Variants in PCLO observed in about 807,000 individuals in gnomAD.
PCLO encodes protein piccolo.
A neutral mutation model predicts 427.5 loss-of-function variants in PCLO; 82 were observed. That is an observed-to-expected ratio of 0.19 (90% CI 0.16 to 0.23). The LOEUF is 0.23. Among genes scored for constraint, PCLO ranks in the 10% least tolerant of loss-of-function variants. The probability of loss-of-function intolerance (pLI) is 1.00; values close to 1 mark genes in which losing one functional copy is unlikely to be tolerated. For synonymous variants in PCLO, 2,357 were observed against 2,155.4 expected, an observed-to-expected ratio of 1.09 and a Z score of -2.59; for missense variants, 6,239 against 6,115.9, an observed-to-expected ratio of 1.02 and a Z score of -0.67.
chr7:82,918,516 G>T (rs913978800), intron 6 of PCLO, among the ~76,000 whole-genome samples: 1 of 151,844 alleles, frequency 6.6e-6, no homozygotes, highest in African/African-American at 2.4e-5. Flanking sequence ...TTAAATGGTA[G>T]TAAAATAAAA....
At position 82,915,048 on chromosome 7, in the gene PCLO, G is replaced by C. The variant is rs755214512; in HGVS notation, c.12938C>G (p.Ser4313Cys). ...LSIKRDSSSS[S>C]LRLKAQEAEA... is the part of the protein sequence containing the mutation. ...AGCCTCTTGAGCTTTCAGTCTTAGGGAAGAGCTAGAAGAATCCCTTTTAAT... is the reference window on the plus strand; with the variant it reads ...AGCCTCTTGAGCTTTCAGTCTTAGGCAAGAGCTAGAAGAATCCCTTTTAAT... Residue 4313 changes from serine (S) to cysteine (C), a missense_variant, in exon 7 of 25, where the codon TCC becomes TGC. Physicochemically the swap from Ser to Cys is moderately radical, Grantham distance 112. Coordinates refer to ENST00000333891, the MANE Select transcript of PCLO (RefSeq NM_033026.6). 6.2e-7 allele frequency: 1 copy of C among 1,613,016 alleles called. No homozygotes were observed. Among genetic ancestry groups the C allele is most frequent in the Admixed American group, 1.7e-5 (1 of 59,850 alleles).
chr7:82,902,634 T>C lies in PCLO; in HGVS notation c.13528+17A>G, dbSNP rs1255110197. On this transcript the variant is annotated intron_variant, in intron 9 of 24. Coordinates refer to ENST00000333891, the MANE Select transcript of PCLO (RefSeq NM_033026.6). ...CAAAAAAACAAAAAAAATATTAGAT[T>C]ATATGATTTGCTTTACCTGAAACTG... The C allele has an allele frequency of 7.1e-7, 1 of 1,406,750 alleles. No homozygotes were observed. The highest frequency in any genetic ancestry group is 1.4e-5 in the African/African-American group (1 of 69,830). The allele number at this position is 1,406,750 out of a possible 1,614,324, so 87.1% of individuals were successfully genotyped here. A position where few individuals can be genotyped will look rare whatever the true frequency, so the allele number is the denominator to read the frequency against.
intron 3 of PCLO, among the ~76,000 whole-genome samples, chr7:83,040,372 C>T (rs1167513009): frequency 6.6e-6 from 1 of 152,088 alleles, no homozygotes; most frequent in Non-Finnish European, 1.5e-5. Flanking sequence ...TGGGCAGGCT[C>T]TCTTTGACTT....
At chr7:83,146,566 T>G (rs191321793) in intron 2 of PCLO, among the ~76,000 whole-genome samples, 1 of 152,042 alleles carries the variant, frequency 6.6e-6, no homozygotes, top group East Asian at 1.9e-4. Context: ...GTTAACCCTT[T>G]ACTATATTCA....
At chr7:82,839,683 C>T (rs778405750) in intron 14 of PCLO, among the ~76,000 whole-genome samples, 14 of 152,004 alleles carry the variant, frequency 9.2e-5, no homozygotes, top group Non-Finnish European at 1.8e-4. Context: ...GCACCCAAAC[C>T]GTTTCTTATT....
intron 3 of PCLO, among the ~76,000 whole-genome samples, chr7:83,083,772 C>T (rs1249962248): frequency 6.6e-6 from 1 of 152,024 alleles, no homozygotes; most frequent in East Asian, 1.9e-4. Context: ...CTAGTGATGA[C>T]CCTGCCCACT....
chr7:83,034,540 T>C (rs1461288394), intron 3 of PCLO, among the ~76,000 whole-genome samples: 1 of 152,184 alleles, frequency 6.6e-6, no homozygotes, highest in Non-Finnish European at 1.5e-5. Context: ...CAAATGTAAC[T>C]TTCCAATAAT....
At chr7:82,885,970 A>T (rs1793618612) in intron 9 of PCLO, among the ~76,000 whole-genome samples, 1 of 152,148 alleles carries the variant, frequency 6.6e-6, no homozygotes, top group South Asian at 2.1e-4. Flanking sequence ...GTTTAGAATC[A>T]GAAGGTATGG....
At chr7:82,807,673 C>T (rs1791482337) in intron 20 of PCLO, among the ~76,000 whole-genome samples, 1 of 151,838 alleles carries the variant, frequency 6.6e-6, no homozygotes, top group African/African-American at 2.4e-5. Flanking sequence ...ATATATATTC[C>T]AGTGGTAGTA....
At chr7:82,766,914 C>T (rs1403467587) in intron 22 of PCLO, among the ~76,000 whole-genome samples, 2 of 152,210 alleles carry the variant, frequency 1.3e-5, no homozygotes, top group Non-Finnish European at 2.9e-5. Flanking sequence ...CGAGCTTGTT[C>T]TTTGCTACTA....
At position 83,120,597 on chromosome 7, in the gene PCLO, AAAAAGAAG is replaced by A. The variant is rs545159191; in HGVS notation, c.3300+13645_3300+13652del. Among the ~76,000 whole-genome samples, 39 of 152,196 alleles carry A rather than the reference AAAAAGAAG, an allele frequency of 2.6e-4. No individual in the cohort carries two copies. In the East Asian group the frequency reaches 5.4e-3, roughly 21 times the overall value. On this transcript the variant is annotated intron_variant, in intron 3 of 24. Transcript: ENST00000333891. Reference sequence around the variant, plus strand: ...ACAAAAGATCCAAAAAACAGCAAGAAAAAAGAAGAAAATAACATAAACATGAGCTCCAA... The same window carrying A: ...ACAAAAGATCCAAAAAACAGCAAGAAAAAATAACATAAACATGAGCTCCAA...
At chr7:83,044,844 C>T (rs1156302442) in intron 3 of PCLO, among the ~76,000 whole-genome samples, 6 of 151,896 alleles carry the variant, frequency 4.0e-5, no homozygotes, top group Non-Finnish European at 7.4e-5. Context: ...ATGGGGGTGT[C>T]GTGGGTTGGG....
At chr7:83,108,760 G>T (rs1790929968) in intron 3 of PCLO, among the ~76,000 whole-genome samples, 1 of 142,398 alleles carries the variant, frequency 7.0e-6, no homozygotes. Flanking sequence ...ATTATATAAT[G>T]TAATTATATT....
intron 3 of PCLO, among the ~76,000 whole-genome samples, chr7:83,084,803 C>T (rs1296290826): frequency 1.3e-5 from 2 of 152,124 alleles, no homozygotes; most frequent in Non-Finnish European, 2.9e-5. Flanking sequence ...TCAATTAGCA[C>T]CAGGAACAAA....
chr7:83,075,486 T>C (rs1378648379), intron 3 of PCLO, among the ~76,000 whole-genome samples: 4 of 152,158 alleles, frequency 2.6e-5, no homozygotes, highest in Non-Finnish European at 5.9e-5. Flanking sequence ...ACAAAATGAC[T>C]GCAGTAAAGA....
chr7:82,927,845 T>C (rs10954694), intron 6 of PCLO, among the ~76,000 whole-genome samples: 51,243 of 151,996 alleles, frequency 0.34, 9,226 homozygotes, highest in East Asian at 0.49. Context: ...GTGCATACTA[T>C]AATTTTAGCT....
intron 6 of PCLO, among the ~76,000 whole-genome samples, chr7:82,925,089 G>C (rs1794683062): frequency 6.6e-6 from 1 of 152,004 alleles, no homozygotes; most frequent in Admixed American, 6.6e-5. Context: ...CCTTTTCTTT[G>C]CCTTGGTAAG....
chr7:82,838,000 TTCATTATGA>T (rs987502040), intron 15 of PCLO, among the ~76,000 whole-genome samples: 2 of 151,978 alleles, frequency 1.3e-5, no homozygotes, highest in African/African-American at 4.8e-5. Flanking sequence ...GGAGGCTGGT[TTCATTATGA>T]TCACTGTTCT....
At chr7:82,998,388 T>TAAA (rs1269562126) in intron 3 of PCLO, among the ~76,000 whole-genome samples, 12 of 109,168 alleles carry the variant, frequency 1.1e-4, no homozygotes, top group African/African-American at 3.2e-4. Context: ...GTCTGTCCTT[T>TAAA]AAAAACAACA....
Sources: gnomAD v4.1 joint callset for allele counts (sites outside exome capture counted in the v4.1 genomes callset) on GRCh38, gnomAD v4.1.1 for gene constraint, MANE v1.5 for transcripts, NCBI Gene and HGNC (gene_info 2026-07-23, HGNC 2026-07-21) for gene names.